The following ZFAND4 variants were observed in gnomAD, a reference collection of about 807,000 sequenced individuals.
ZFAND4 encodes AN1-type zinc finger protein 4.
Under a neutral mutation model 64.4 loss-of-function variants are expected in ZFAND4, and 43 were observed. The ratio of observed to expected loss-of-function variants is 0.67; its 90% CI spans 0.52 to 0.86. ZFAND4 has a LOEUF of 0.86. Ranked by LOEUF, ZFAND4 falls within the 40% of genes least tolerant of loss-of-function variation. The probability of loss-of-function intolerance (pLI) is 0.00; values close to 1 mark genes in which losing one functional copy is unlikely to be tolerated. For synonymous variants in ZFAND4, 296 were observed against 305.7 expected (o/e 0.97, Z 0.33); for missense variants, 929 against 859.8 (o/e 1.08, Z -1.01).
chr10:45,653,989 TA>T (rs954089941), intron 2 of ZFAND4, among the ~76,000 whole-genome samples: 6 of 152,050 alleles, frequency 3.9e-5, no homozygotes, highest in Admixed American at 3.3e-4. Flanking sequence ...CATGCGGCCA[TA>T]AAAAGAATAA....
chr10:45,643,921 CAAAAT>C (rs2047199149), intron 5 of ZFAND4, among the ~76,000 whole-genome samples: 1 of 152,080 alleles, frequency 6.6e-6, no homozygotes, highest in Admixed American at 6.5e-5. Context: ...TGAAAAAACT[CAAAAT>C]AATGGTATTT....
intron 6 of ZFAND4, among the ~76,000 whole-genome samples, chr10:45,631,607 T>C (rs2046229403): frequency 6.6e-6 from 1 of 152,036 alleles, no homozygotes; most frequent in South Asian, 2.1e-4. Context: ...AATGGCAATA[T>C]AAAAAGCAAA....
At chr10:45,642,379 G>A (rs1255376990) in intron 5 of ZFAND4, among the ~76,000 whole-genome samples, 4 of 151,856 alleles carry the variant, frequency 2.6e-5, no homozygotes, top group Admixed American at 6.6e-5. Flanking sequence ...AGGCCGAGGC[G>A]GGTGGATCAC....
At chr10:45,635,195 CAAAAAAA>C (rs1173808756) in intron 6 of ZFAND4, among the ~76,000 whole-genome samples, 1 of 27,628 alleles carries the variant, frequency 3.6e-5, no homozygotes, top group Non-Finnish European at 6.2e-5. Flanking sequence ...GCCATCTAAG[CAAAAAAA>C]AAAAAAAAAA....
chr10:45,634,793 A>C (rs1396944246), intron 6 of ZFAND4, among the ~76,000 whole-genome samples: 2 of 152,200 alleles, frequency 1.3e-5, no homozygotes, highest in African/African-American at 2.4e-5. Context: ...TAGAACTGAT[A>C]AACACATTCA....
At chr10:45,661,938 G>A (rs1255676733) in intron 2 of ZFAND4, among the ~76,000 whole-genome samples, 28 of 126,492 alleles carry the variant, frequency 2.2e-4, no homozygotes, top group Non-Finnish European at 9.8e-5. Flanking sequence ...ACTCCGTCTC[G>A]AAGAAAAAAA....
chr10:45,645,699 C>T (rs1275415244), intron 5 of ZFAND4, among the ~76,000 whole-genome samples: 3 of 152,126 alleles, frequency 2.0e-5, no homozygotes, highest in Admixed American at 2.0e-4. Flanking sequence ...CATTCCCATG[C>T]TTTCAAAAGT....
At chr10:45,645,057 C>T (rs544710019) in intron 5 of ZFAND4, among the ~76,000 whole-genome samples, 1 of 149,282 alleles carries the variant, frequency 6.7e-6, no homozygotes, top group East Asian at 2.0e-4. Flanking sequence ...TCTCGGCTCA[C>T]TGCAACCTCC....
At chr10:45,618,798 C>T (rs969942575) in intron 8 of ZFAND4, among the ~76,000 whole-genome samples, 1 of 152,108 alleles carries the variant, frequency 6.6e-6, no homozygotes, top group Non-Finnish European at 1.5e-5. Flanking sequence ...GTATTTTTCT[C>T]TCTAGGTTAA....
chr10:45,671,482 A>G (rs2049184597), intron 1 of ZFAND4, among the ~76,000 whole-genome samples: 1 of 149,986 alleles, frequency 6.7e-6, no homozygotes, highest in Non-Finnish European at 1.5e-5. Flanking sequence ...CATATACACC[A>G]TGGAATACTA....
intron 8 of ZFAND4, among the ~76,000 whole-genome samples, chr10:45,624,274 T>C (rs993507445): frequency 1.3e-5 from 2 of 152,258 alleles, no homozygotes; most frequent in Admixed American, 6.5e-5. Context: ...CACATGGCTC[T>C]AGAGTGGCCA....
intron 1 of ZFAND4, among the ~76,000 whole-genome samples, chr10:45,671,821 TAAA>T (rs199848014): frequency 0.024 from 3,340 of 141,342 alleles, 134 homozygotes; most frequent in African/African-American, 0.081. Flanking sequence ...CCCTAGAACT[TAAA>T]AAAAAAAAAA....
At chr10:45,619,275 A>G (rs183894992) in intron 8 of ZFAND4, among the ~76,000 whole-genome samples, 5 of 151,622 alleles carry the variant, frequency 3.3e-5, no homozygotes, top group Admixed American at 3.3e-4. Flanking sequence ...TGAACTCCTG[A>G]CCTCATGATC....
intron 1 of ZFAND4, among the ~76,000 whole-genome samples, chr10:45,668,667 A>C (rs2048987847): frequency 6.6e-6 from 1 of 152,220 alleles, no homozygotes; most frequent in African/African-American, 2.4e-5. Context: ...TCCTTAGCAA[A>C]TGTAAAACAA....
chr10:45,642,299 C>CATATAT (rs71023140), intron 5 of ZFAND4, among the ~76,000 whole-genome samples: 3 of 150,648 alleles, frequency 2.0e-5, no homozygotes, highest in African/African-American at 4.9e-5. Flanking sequence ...TACATACACA[C>CATATAT]ATATATATAT....
chr10:45,622,483 T>C (rs913192160), intron 8 of ZFAND4, among the ~76,000 whole-genome samples: 19 of 152,258 alleles, frequency 1.2e-4, no homozygotes, highest in African/African-American at 4.1e-4. Context: ...AAGGAGAAAA[T>C]AGACAAACTG....
chr10:45,618,180 A>G lies in ZFAND4; in HGVS notation c.2008T>C (p.Cys670Arg). The G allele has an allele frequency of 3.1e-6, 5 of 1,613,604 alleles. No individual in the cohort carries two copies. Among genetic ancestry groups the G allele is most frequent in the Non-Finnish European group, 4.2e-6 (5 of 1,179,858 alleles). The change falls in exon 9 of 10, where the codon TGT (cysteine) becomes CGT (arginine). Residue 670 changes from cysteine (C) to arginine (R), a missense_variant. Physicochemically the swap from Cys to Arg is radical, Grantham distance 180. Coordinates refer to ENST00000344646, the MANE Select transcript of ZFAND4 (RefSeq NM_174890.4). ...KKKTTNHCFL[C>R]GKKTGLASSY... ...CTAGCCAGTCCTGTTTTCTTTCCAC[A>G]AAGAAAACAATGATTTGTTGTTTTC...
chr10:45,632,491 AAG>A (rs1490646959), intron 6 of ZFAND4, among the ~76,000 whole-genome samples: 3 of 152,196 alleles, frequency 2.0e-5, no homozygotes, highest in East Asian at 1.9e-4. Flanking sequence ...TGAGAGGATG[AAG>A]AGAGAAGAGA....
rs766795634 is a variant in ZFAND4, at chr10:45,640,423, T to TTA, written c.570-461_570-460insTA. On this transcript the variant is annotated intron_variant, in intron 5 of 9. Coordinates refer to ENST00000344646, the MANE Select transcript of ZFAND4 (RefSeq NM_174890.4). The stretch of plus-strand genomic sequence containing the variant: ...TTAGTCATCCTGAGGAGATTCTCAC[T>TTA]AAAAAAAAAAAAAAAAAAAGAATTC... The TTA allele has an allele frequency of 3.1e-5, 28 of 917,942 alleles. No homozygotes were observed. In the African/African-American group the frequency reaches 5.4e-4, roughly 18 times the overall value. The allele number at this position is 917,942 out of a possible 1,614,324, so 56.9% of individuals were successfully genotyped here.
Sources: gnomAD v4.1 joint callset for allele counts (sites outside exome capture counted in the v4.1 genomes callset) on GRCh38, gnomAD v4.1.1 for gene constraint, MANE v1.5 for transcripts, NCBI Gene and HGNC (gene_info 2026-07-23, HGNC 2026-07-21) for gene names.